The following NELL1 variants were observed in gnomAD, a reference collection of about 807,000 sequenced individuals.
NELL1 encodes protein kinase C-binding protein NELL1.
A neutral mutation model predicts 107.4 loss-of-function variants in NELL1; 76 were observed. That is an observed-to-expected ratio of 0.71 (90% CI 0.59 to 0.86). The LOEUF is 0.86. Among genes scored for constraint, NELL1 ranks in the 40% least tolerant of loss-of-function variants. NELL1 has a pLI of 0.00. For missense variants in NELL1, 1,024 were observed against 1,005.5 expected, an observed-to-expected ratio of 1.02 and a Z score of -0.25; for synonymous variants, 353 against 341.2, an observed-to-expected ratio of 1.03 and a Z score of -0.38.
At chr11:21,070,423 C>A (rs918053798) in intron 12 of NELL1, among the ~76,000 whole-genome samples, 15 of 152,080 alleles carry the variant, frequency 9.9e-5, no homozygotes, top group African/African-American at 3.6e-4. Context: ...ATAAGGTTGG[C>A]TTCTCAGAGA....
At chr11:20,911,418 C>T (rs1489704915) in intron 5 of NELL1, among the ~76,000 whole-genome samples, 4 of 152,142 alleles carry the variant, frequency 2.6e-5, no homozygotes, top group Non-Finnish European at 5.9e-5. Context: ...AAGTTGCCAA[C>T]CTTATATAGC....
At chr11:21,107,692 G>A (rs1855003492) in intron 12 of NELL1, among the ~76,000 whole-genome samples, 1 of 152,152 alleles carries the variant, frequency 6.6e-6, no homozygotes, top group Non-Finnish European at 1.5e-5. Context: ...AAGAGGGGGT[G>A]GCCCAAGAGA....
intron 16 of NELL1, among the ~76,000 whole-genome samples, chr11:21,558,681 A>T (rs1211392810): frequency 1.3e-5 from 2 of 152,068 alleles, no homozygotes; most frequent in African/African-American, 4.8e-5. Flanking sequence ...TGTATATAGA[A>T]GATAAATGAG....
At chr11:21,337,567 C>G (rs1470617616) in intron 14 of NELL1, among the ~76,000 whole-genome samples, 4 of 152,172 alleles carry the variant, frequency 2.6e-5, no homozygotes, top group Non-Finnish European at 5.9e-5. Context: ...AGCCCATTGG[C>G]TAGAATTAGT....
chr11:21,388,511 T>G (rs555894944), intron 15 of NELL1, among the ~76,000 whole-genome samples: 22 of 151,940 alleles, frequency 1.4e-4, no homozygotes, highest in Admixed American at 1.3e-3. Context: ...CACAGACACT[T>G]TCAAAGACAT....
chr11:21,069,902 T>A (rs559394703), intron 12 of NELL1, among the ~76,000 whole-genome samples: 1 of 152,292 alleles, frequency 6.6e-6, no homozygotes, highest in African/African-American at 2.4e-5. Context: ...CTTTAAATAG[T>A]TGAAATGTGT....
chr11:21,252,453 C>T (rs1483619828), intron 14 of NELL1, among the ~76,000 whole-genome samples: 2 of 152,116 alleles, frequency 1.3e-5, no homozygotes, highest in African/African-American at 2.4e-5. Context: ...CTGACACTCC[C>T]GTTTGACCAT....
intron 2 of NELL1, among the ~76,000 whole-genome samples, chr11:20,759,219 C>T (rs1856364382): frequency 6.6e-6 from 1 of 152,198 alleles, no homozygotes; most frequent in Admixed American, 6.5e-5. Flanking sequence ...CCTTTATGAA[C>T]TACACATTTA....
rs530767402 is a variant in NELL1, at chr11:21,203,812, C to G, written c.1427-25520C>G. Among the ~76,000 whole-genome samples, 7 of 152,268 alleles carry G rather than the reference C, an allele frequency of 4.6e-5. No homozygotes were observed. In the South Asian group the frequency reaches 1.4e-3, roughly 32 times the overall value. On this transcript the variant is annotated intron_variant, in intron 13 of 19. Transcript: ENST00000357134. ...TCTTGTAAGGCCGGTCTGGTGGTGA[C>G]AAAATCTGTCAGCATTTGCCTGTCT... is the stretch of plus-strand genomic sequence containing the variant.
At position 21,130,892 on chromosome 11, in the gene NELL1, G is replaced by C. The variant is rs12361980; in HGVS notation, c.1426+17178G>C. Among the ~76,000 whole-genome samples the C allele has an allele frequency of 7.1e-3, 1,046 of 147,564 alleles. 4 individuals carry two copies. Among genetic ancestry groups the C allele is most frequent in the South Asian group, 0.016 (71 of 4,512 alleles). On this transcript the variant is annotated intron_variant, in intron 13 of 19. Transcript: ENST00000357134. Reference sequence around the variant, plus strand: ...AGACCTAATGGTGTCATCTTGTCACGGTCCCTAATTGGGCTGCTGAGCAAC... The same window carrying C: ...AGACCTAATGGTGTCATCTTGTCACCGTCCCTAATTGGGCTGCTGAGCAAC...
At chr11:21,111,696 G>A (rs533632980) in intron 12 of NELL1, among the ~76,000 whole-genome samples, 5 of 152,114 alleles carry the variant, frequency 3.3e-5, no homozygotes, top group Admixed American at 2.6e-4. Flanking sequence ...ACTTAGAAGT[G>A]ATATGCTTCC....
At chr11:21,427,450 G>T (rs884306) in intron 15 of NELL1, among the ~76,000 whole-genome samples, 10,276 of 152,192 alleles carry the variant, frequency 0.068, 939 homozygotes, top group African/African-American at 0.21. Flanking sequence ...TTGAAAACTT[G>T]GGATATTGCT....
chr11:20,780,360 A>T (rs1225248038), intron 2 of NELL1, among the ~76,000 whole-genome samples: 1 of 152,124 alleles, frequency 6.6e-6, no homozygotes, highest in East Asian at 1.9e-4. Flanking sequence ...CTGGTTTTCC[A>T]AAAGATATAT....
At chr11:20,851,616 T>C (rs138084325) in intron 4 of NELL1, among the ~76,000 whole-genome samples, 112 of 152,340 alleles carry the variant, frequency 7.4e-4, no homozygotes, top group African/African-American at 1.6e-3. Context: ...TGGGATTCAG[T>C]GCATAAGCAA....
chr11:21,066,319 G>A (rs570854753), intron 12 of NELL1, among the ~76,000 whole-genome samples: 7 of 152,220 alleles, frequency 4.6e-5, no homozygotes, highest in African/African-American at 1.7e-4. Context: ...CTCACACTTT[G>A]CATGGATAGT....
chr11:21,421,864 C>T (rs531914999), intron 15 of NELL1, among the ~76,000 whole-genome samples: 25 of 152,072 alleles, frequency 1.6e-4, no homozygotes, highest in African/African-American at 5.6e-4. Context: ...ACCGTCAAAA[C>T]CCCAAAACAA....
intron 12 of NELL1, among the ~76,000 whole-genome samples, chr11:20,964,340 A>G (rs984376516): frequency 6.6e-6 from 1 of 152,196 alleles, no homozygotes; most frequent in African/African-American, 2.4e-5. Context: ...TGTGATAAAA[A>G]GTTACTTAGA....
intron 12 of NELL1, among the ~76,000 whole-genome samples, chr11:21,032,524 G>T (rs1336938354): frequency 1.3e-5 from 2 of 152,092 alleles, no homozygotes; most frequent in Non-Finnish European, 2.9e-5. Flanking sequence ...AGGTAGCTGG[G>T]ATTACAGGTG....
Position 20,918,257 on chromosome 11 carries a change from A to G in NELL1, c.676+3A>G. The G allele has an allele frequency of 6.6e-7, 1 of 1,513,352 alleles. No individual in the cohort carries two copies. The highest frequency in any genetic ancestry group is 9.2e-7 in the Non-Finnish European group (1 of 1,089,568). The allele number at this position is 1,513,352 out of a possible 1,614,324, so 93.7% of individuals were successfully genotyped here. On this transcript the variant is annotated splice_donor_region_variant and intron_variant, in intron 6 of 19. Coordinates refer to ENST00000357134, the MANE Select transcript of NELL1 (RefSeq NM_006157.5). ...ACAGTGTCCAAATCTAAATCACAGT[A>G]AGTAGCAACTTAAAGCATTGTGATA...
Sources: gnomAD v4.1 joint callset for allele counts (sites outside exome capture counted in the v4.1 genomes callset) on GRCh38, gnomAD v4.1.1 for gene constraint, MANE v1.5 for transcripts, NCBI Gene and HGNC (gene_info 2026-07-23, HGNC 2026-07-21) for gene names.